NSD3: variants seen among roughly 807,000 people sequenced by gnomAD.
The protein encoded by NSD3 is nuclear receptor binding SET domain protein 3, also known as histone-lysine N-methyltransferase NSD3.
A neutral mutation model predicts 160.8 loss-of-function variants in NSD3; 24 were observed. The ratio of observed to expected loss-of-function variants is 0.15; its 90% CI spans 0.11 to 0.21. The LOEUF is 0.21. NSD3 is among the 10% of genes least tolerant of loss of function. The probability of loss-of-function intolerance (pLI) is 1.00; values close to 1 mark genes in which losing one functional copy is unlikely to be tolerated. For missense variants in NSD3, 1,157 were observed against 1,735.9 expected, an observed-to-expected ratio of 0.67 and a Z score of 5.93; for synonymous variants, 520 against 600.0, an observed-to-expected ratio of 0.87 and a Z score of 1.95.
intron 12 of NSD3, 136 bp from the exon 13 acceptor site, chr8:38,305,581 A>T: frequency 4.1e-6 from 3 of 730,592 alleles, no homozygotes; most frequent in Admixed American, 7.1e-5. Context: ...CACAAAAAAA[A>T]TTTAAAATAA....
chr8:38,306,786 TA>T (rs1454937173), intron 12 of NSD3, among the ~76,000 whole-genome samples: 3 of 152,072 alleles, frequency 2.0e-5, no homozygotes, highest in Non-Finnish European at 4.4e-5. Flanking sequence ...TCTTCACTAG[TA>T]ATCAGGTAAA....
intron 2 of NSD3, 64 bp downstream of exon 2, chr8:38,347,433 A>G: frequency 1.3e-6 from 2 of 1,507,552 alleles, no homozygotes; most frequent in Non-Finnish European, 1.8e-6. Context: ...AACCAAAAAG[A>G]TCTCTTGAAC....
chr8:38,289,990 C>G (rs575984684), intron 17 of NSD3, among the ~76,000 whole-genome samples: 1 of 152,206 alleles, frequency 6.6e-6, no homozygotes, highest in Non-Finnish European at 1.5e-5. Flanking sequence ...CTGAGGTGGG[C>G]AGATCGCTTG....
chr8:38,362,378 TGA>T (rs1269253183), intron 1 of NSD3, among the ~76,000 whole-genome samples: 2 of 150,342 alleles, frequency 1.3e-5, no homozygotes, highest in Non-Finnish European at 3.0e-5. Context: ...GATTTTGAAC[TGA>T]GAGTACAGAT....
chr8:38,283,092 T>C (rs1446709654), intron 19 of NSD3, among the ~76,000 whole-genome samples: 1 of 152,222 alleles, frequency 6.6e-6, no homozygotes, highest in Admixed American at 6.5e-5. Flanking sequence ...CAGCAGTTCA[T>C]GAGATCCACT....
intron 12 of NSD3, among the ~76,000 whole-genome samples, chr8:38,313,787 CAA>C (rs547027189): frequency 8.1e-4 from 53 of 65,376 alleles, no homozygotes; most frequent in African/African-American, 2.1e-3. Flanking sequence ...GACTCTGTCT[CAA>C]AAAAAAAAAA....
At chr8:38,339,344 A>G (rs1452056145) in intron 2 of NSD3, among the ~76,000 whole-genome samples, 2 of 152,228 alleles carry the variant, frequency 1.3e-5, no homozygotes, top group Non-Finnish European at 2.9e-5. Context: ...CTAAGAATGT[A>G]TATTTGAAAA....
In NSD3 at chr8:38,365,413, G is replaced by C. The variant is rs376250392; in HGVS notation, c.-45+16386C>G. ...AGTCTCATGGAGCTAAAATAAACAT[G>C]GAAATTTCAGATAGTGATATGCTAC... is the stretch of plus-strand genomic sequence containing the variant. On this transcript the variant is annotated intron_variant, in intron 1 of 23. Transcript: ENST00000317025. Among the ~76,000 whole-genome samples the C allele has an allele frequency of 3.9e-5, 6 of 152,292 alleles. 1 individual carries two copies. Among genetic ancestry groups the C allele is most frequent in the African/African-American group, 1.2e-4 (5 of 41,554 alleles).
intron 1 of NSD3, among the ~76,000 whole-genome samples, chr8:38,349,974 T>C (rs191110909): frequency 0.012 from 1,759 of 152,140 alleles, 25 homozygotes; most frequent in Middle Eastern, 0.027. Flanking sequence ...CTGAGAATGA[T>C]GGTTTCCAGC....
intron 16 of NSD3, among the ~76,000 whole-genome samples, chr8:38,292,870 G>C (rs1809034655): frequency 6.6e-6 from 1 of 152,160 alleles, no homozygotes; most frequent in South Asian, 2.1e-4. Context: ...TACTTGGGAG[G>C]CTGAGGCAGG....
At chr8:38,296,991 T>G (rs1809165553) in intron 15 of NSD3, among the ~76,000 whole-genome samples, 1 of 152,216 alleles carries the variant, frequency 6.6e-6, no homozygotes, top group African/African-American at 2.4e-5. Context: ...CCCATTAAAT[T>G]GTTAAAATCA....
intron 1 of NSD3, among the ~76,000 whole-genome samples, chr8:38,378,293 C>G (rs1336373021): frequency 6.6e-6 from 1 of 152,060 alleles, no homozygotes; most frequent in African/African-American, 2.4e-5. Flanking sequence ...ATCACGAGGT[C>G]AGGAGTTTGA....
chr8:38,328,603 T>C (rs1206074605), intron 6 of NSD3, among the ~76,000 whole-genome samples: 2 of 152,172 alleles, frequency 1.3e-5, no homozygotes, highest in Admixed American at 6.5e-5. Context: ...ATGACTATAT[T>C]AGGAAAAAAT....
At chr8:38,362,875 C>A (rs1318607905) in intron 1 of NSD3, among the ~76,000 whole-genome samples, 1 of 152,108 alleles carries the variant, frequency 6.6e-6, no homozygotes, top group Admixed American at 6.5e-5. Context: ...ATCTGAAACT[C>A]TAAAAAAAGA....
chr8:38,375,675 A>G (rs1811371490), intron 1 of NSD3, among the ~76,000 whole-genome samples: 1 of 151,864 alleles, frequency 6.6e-6, no homozygotes, highest in Non-Finnish European at 1.5e-5. Flanking sequence ...TTTATAACTT[A>G]TAAATATAAT....
intron 14 of NSD3, among the ~76,000 whole-genome samples, chr8:38,304,292 T>G (rs7832138): frequency 2.4e-4 from 36 of 152,348 alleles, no homozygotes; most frequent in African/African-American, 7.9e-4. Flanking sequence ...AAGATTAATC[T>G]TTTAATGCTC....
chr8:38,326,921 C>CTTATAAA (rs1809926558), intron 6 of NSD3, 65 bp from the exon 7 acceptor site: 2 of 1,564,088 alleles, frequency 1.3e-6, no homozygotes, highest in Admixed American at 1.9e-5. Context: ...GCATCATGGG[C>CTTATAAA]TTATAAAGAT....
intron 1 of NSD3, among the ~76,000 whole-genome samples, chr8:38,356,346 T>C (rs974754481): frequency 6.6e-6 from 1 of 152,112 alleles, no homozygotes; most frequent in East Asian, 1.9e-4. Flanking sequence ...TGGTGGGGGA[T>C]GGTGGGCTGA....
At chr8:38,277,033 T>C (rs1430245163) in intron 22 of NSD3, among the ~76,000 whole-genome samples, 2 of 151,908 alleles carry the variant, frequency 1.3e-5, no homozygotes, top group Non-Finnish European at 2.9e-5. Context: ...CCTCCACCTC[T>C]TGGGTTCAAG....
Sources: gnomAD v4.1 joint callset for allele counts (sites outside exome capture counted in the v4.1 genomes callset) on GRCh38, gnomAD v4.1.1 for gene constraint, MANE v1.5 for transcripts, NCBI Gene and HGNC (gene_info 2026-07-23, HGNC 2026-07-21) for gene names.